The following PAK5 variants were observed in gnomAD, a reference collection of about 807,000 sequenced individuals.
The protein encoded by PAK5 is serine/threonine-protein kinase PAK 5.
PAK5 carries 16 observed loss-of-function variants against 65.9 expected under a neutral mutation model. That is an observed-to-expected ratio of 0.24 (90% CI 0.16 to 0.37). The LOEUF (loss-of-function observed/expected upper bound fraction) is 0.37. Ranked by LOEUF, PAK5 falls within the 10% of genes least tolerant of loss-of-function variation. The pLI is 1.00. For synonymous variants in PAK5, 371 were observed against 354.9 expected (o/e 1.05, Z -0.51); for missense variants, 785 against 903.9 (o/e 0.87, Z 1.69).
intron 1 of PAK5, among the ~76,000 whole-genome samples, chr20:9,764,032 C>T (rs1415684835): frequency 6.6e-6 from 1 of 152,134 alleles, no homozygotes; most frequent in African/African-American, 2.4e-5. Flanking sequence ...GGAAATTTAA[C>T]ATTGATACAA....
chr20:9,747,055 A>C (rs2048516871), intron 1 of PAK5, among the ~76,000 whole-genome samples: 1 of 152,114 alleles, frequency 6.6e-6, no homozygotes, highest in Admixed American at 6.6e-5. Context: ...TACTACAAAC[A>C]CCTCTACGCA....
intron 7 of PAK5, among the ~76,000 whole-genome samples, chr20:9,553,131 T>C (rs537824036): frequency 6.6e-6 from 1 of 152,284 alleles, no homozygotes; most frequent in East Asian, 1.9e-4. Flanking sequence ...ATATCAACAC[T>C]TGTAAATTGA....
chr20:9,578,008 C>T (rs770922026), intron 4 of PAK5, among the ~76,000 whole-genome samples: 16 of 152,178 alleles, frequency 1.1e-4, no homozygotes, highest in Non-Finnish European at 1.8e-4. Context: ...CTCCCACCCT[C>T]GTTCTTCTGT....
intron 1 of PAK5, among the ~76,000 whole-genome samples, chr20:9,777,806 A>G (rs1334590926): frequency 2.6e-5 from 4 of 152,166 alleles, no homozygotes; most frequent in Non-Finnish European, 5.9e-5. Flanking sequence ...CTGCTCTTTT[A>G]TGCATGTGTG....
chr20:9,729,947 G>T (rs1459554023), intron 1 of PAK5, among the ~76,000 whole-genome samples: 1 of 148,440 alleles, frequency 6.7e-6, no homozygotes, highest in Non-Finnish European at 1.5e-5. Context: ...GGGAGGTGGA[G>T]GTTGCAGTGA....
rs1386424376 is a variant in PAK5 at position 9,580,502 on chromosome 20, T to G, written c.633A>C (p.Glu211Asp). Residue 211 changes from glutamate to aspartate, a missense_variant, in exon 4 of 10, where the codon GAA (glutamate) becomes GAC (aspartate). Transcript: ENST00000353224. The stretch of plus-strand genomic sequence containing the variant: ...GATACTCCCACTTGAGGTCACTGTA[T>G]TCACTTGGTTTGCTCAGTGAGTCCA... ...SHLDSLSKPS[E>D]YSDLKWEYQR... is the part of the protein sequence containing the mutation. 1 of 1,614,168 alleles carries G rather than the reference T, an allele frequency of 6.2e-7. No homozygotes were observed. The highest frequency in any genetic ancestry group is 1.7e-5 in the Admixed American group (1 of 60,026).
At chr20:9,689,854 T>C (rs1279852354) in intron 2 of PAK5, among the ~76,000 whole-genome samples, 1 of 152,174 alleles carries the variant, frequency 6.6e-6, no homozygotes, top group Non-Finnish European at 1.5e-5. Flanking sequence ...TGTATGGAGA[T>C]AACTGGAACA....
chr20:9,826,957 C>G (rs1007531319), intron 1 of PAK5, among the ~76,000 whole-genome samples: 1 of 152,150 alleles, frequency 6.6e-6, no homozygotes, highest in African/African-American at 2.4e-5. Flanking sequence ...TGTGGGGAGG[C>G]CGGCTCTCAG....
At chr20:9,557,041 A>T (rs2045518131) in intron 7 of PAK5, among the ~76,000 whole-genome samples, 1 of 152,152 alleles carries the variant, frequency 6.6e-6, no homozygotes, top group African/African-American at 2.4e-5. Context: ...CCATTTCCAG[A>T]TTCTAGTAGC....
intron 1 of PAK5, among the ~76,000 whole-genome samples, chr20:9,810,943 T>G (rs763783024): frequency 6.6e-6 from 1 of 152,158 alleles, no homozygotes; most frequent in Non-Finnish European, 1.5e-5. Context: ...AAGTAACTAT[T>G]CAAATAACTC....
chr20:9,741,002 C>A (rs1600311164), intron 1 of PAK5, among the ~76,000 whole-genome samples: 2 of 152,330 alleles, frequency 1.3e-5, no homozygotes, highest in African/African-American at 2.4e-5. Context: ...CCATCAAAAT[C>A]TTTTCTCTGT....
At position 9,687,886 on chromosome 20, in the gene PAK5, G is replaced by GGT. The variant is rs111641971; in HGVS notation, c.-12+23398_-12+23399dup. 8.3e-3 allele frequency among the ~76,000 whole-genome samples: 1,229 copies of GGT among 148,634 alleles called. 12 individuals carry two copies. The highest frequency in any genetic ancestry group is 0.03 in the East Asian group (148 of 5,000). On this transcript the variant is annotated intron_variant, in intron 2 of 9. Coordinates refer to ENST00000353224, the MANE Select transcript of PAK5 (RefSeq NM_177990.4). ...AGATGAAGAGAAGTCAAGAGAGGGA[G>GGT]GTGTGTGTGTGTGTGTGTGTGTGTG...
intron 2 of PAK5, among the ~76,000 whole-genome samples, chr20:9,661,146 G>A (rs2123332387): frequency 6.6e-6 from 1 of 152,200 alleles, no homozygotes; most frequent in African/African-American, 2.4e-5. Flanking sequence ...AATGAAAATT[G>A]ATTTGATTGT....
At chr20:9,596,407 C>A (rs569701247) in intron 3 of PAK5, among the ~76,000 whole-genome samples, 1 of 151,998 alleles carries the variant, frequency 6.6e-6, no homozygotes, top group East Asian at 1.9e-4. Context: ...GAGGCCGAGG[C>A]GGGCGGATCA....
chr20:9,802,910 G>GTGTGTATATGTATATATATATATA (rs142279832), intron 1 of PAK5, among the ~76,000 whole-genome samples: 1 of 46,378 alleles, frequency 2.2e-5, no homozygotes, highest in East Asian at 8.7e-4. Flanking sequence ...ATATGTATGT[G>GTGTGTATATGTATATATATATATA]TATATATATA....
intron 7 of PAK5, among the ~76,000 whole-genome samples, chr20:9,554,991 A>G (rs1433552390): frequency 6.6e-6 from 1 of 152,134 alleles, no homozygotes; most frequent in African/African-American, 2.4e-5. Context: ...ATCACTCCCC[A>G]TTCTCCTTAC....
At chr20:9,572,057 A>C (rs2122970471) in intron 4 of PAK5, among the ~76,000 whole-genome samples, 1 of 140,940 alleles carries the variant, frequency 7.1e-6, no homozygotes, top group African/African-American at 3.0e-5. Flanking sequence ...TGAAAGACAA[A>C]TTAAGGGTTT....
At chr20:9,666,952 T>A (rs2047427966) in intron 2 of PAK5, among the ~76,000 whole-genome samples, 1 of 152,176 alleles carries the variant, frequency 6.6e-6, no homozygotes. Context: ...AGATTAAACA[T>A]GGCTGCAAAT....
At chr20:9,742,307 T>C (rs1640487843) in intron 1 of PAK5, among the ~76,000 whole-genome samples, 1 of 152,190 alleles carries the variant, frequency 6.6e-6, no homozygotes, top group African/African-American at 2.4e-5. Flanking sequence ...TGTCTTACTT[T>C]TATTATTGTC....
Sources: gnomAD v4.1 joint callset for allele counts (sites outside exome capture counted in the v4.1 genomes callset) on GRCh38, gnomAD v4.1.1 for gene constraint, MANE v1.5 for transcripts, NCBI Gene and HGNC (gene_info 2026-07-23, HGNC 2026-07-21) for gene names.